The following LSAMP variants were observed in gnomAD, a reference collection of about 807,000 sequenced individuals.
LSAMP encodes the protein limbic system-associated membrane protein.
LSAMP carries 7 observed loss-of-function variants against 38.6 expected under a neutral mutation model. The ratio of observed to expected loss-of-function variants is 0.18; its 90% CI spans 0.10 to 0.34. The LOEUF (loss-of-function observed/expected upper bound fraction) is 0.34. LSAMP is among the 10% of genes least tolerant of loss of function. The probability of loss-of-function intolerance (pLI) is 1.00; values close to 1 mark genes in which losing one functional copy is unlikely to be tolerated. For missense variants in LSAMP, 313 were observed against 420.0 expected (o/e 0.75, Z 2.23); for synonymous variants, 154 against 166.8 (o/e 0.92, Z 0.59).
At chr3:115,969,007 C>A (rs1938921024) in intron 3 of LSAMP, among the ~76,000 whole-genome samples, 1 of 152,168 alleles carries the variant, frequency 6.6e-6, no homozygotes, top group Non-Finnish European at 1.5e-5. Context: ...GACCTACAAT[C>A]ACTGAGCTCA....
In LSAMP at chr3:115,813,341, T is replaced by C. The variant is rs565544942; in HGVS notation, c.920-2927A>G. Among the ~76,000 whole-genome samples, 44 of 152,256 alleles carry C rather than the reference T, an allele frequency of 2.9e-4. 1 individual carries two copies. The South Asian group carries it at 7.3e-3, about 25-fold the overall frequency. ...GCCCATAGTATTCTCTATAGTAACATGCTTACAGGTTTTTAGCCTGGGAAT... is the reference window on the plus strand; with the variant it reads ...GCCCATAGTATTCTCTATAGTAACACGCTTACAGGTTTTTAGCCTGGGAAT... On this transcript the variant is annotated intron_variant, in intron 6 of 6. Transcript: ENST00000490035.
chr3:115,945,731 T>C (rs1938075652), intron 3 of LSAMP, among the ~76,000 whole-genome samples: 1 of 152,048 alleles, frequency 6.6e-6, no homozygotes, highest in Non-Finnish European at 1.5e-5. Context: ...GAAAAAAAAA[T>C]TGTTTAACAG....
intron 1 of LSAMP, among the ~76,000 whole-genome samples, chr3:116,189,633 C>T (rs2199349): frequency 0.12 from 18,168 of 152,074 alleles, 1,848 homozygotes; most frequent in African/African-American, 0.28. Context: ...GTAGAAGAAA[C>T]GATTAGAGAA....
chr3:116,187,840 C>A (rs914497737), intron 1 of LSAMP, among the ~76,000 whole-genome samples: 6 of 151,990 alleles, frequency 3.9e-5, no homozygotes, highest in Non-Finnish European at 8.8e-5. Flanking sequence ...AGGTTTGTTA[C>A]ATAGGCAAAC....
chr3:116,068,625 C>T (rs1448940296), intron 2 of LSAMP, among the ~76,000 whole-genome samples: 3 of 152,060 alleles, frequency 2.0e-5, no homozygotes, highest in Non-Finnish European at 4.4e-5. Context: ...TAGATAATTA[C>T]AAAGATTTGC....
intron 1 of LSAMP, among the ~76,000 whole-genome samples, chr3:116,276,444 T>C (rs1038990138): frequency 4.6e-5 from 7 of 152,210 alleles, no homozygotes; most frequent in African/African-American, 1.4e-4. Context: ...AAACATTGTA[T>C]GTTCTCACTG....
At chr3:115,918,707 G>GT (rs11391475) in intron 3 of LSAMP, among the ~76,000 whole-genome samples, 57,015 of 135,070 alleles carry the variant, frequency 0.42, 12,548 homozygotes, top group Middle Eastern at 0.5. Flanking sequence ...TAAAGAACAG[G>GT]TTTTTTTTTT....
chr3:116,386,745 T>C (rs2048631195), intron 1 of LSAMP, among the ~76,000 whole-genome samples: 1 of 152,100 alleles, frequency 6.6e-6, no homozygotes, highest in African/African-American at 2.4e-5. Context: ...AATGCTGGGG[T>C]TACAGGTGTG....
intron 1 of LSAMP, among the ~76,000 whole-genome samples, chr3:116,133,256 TTTTTTG>T (rs1559755075): frequency 6.6e-6 from 1 of 151,976 alleles, no homozygotes; most frequent in South Asian, 2.1e-4. Context: ...TTTTCCTTTT[TTTTTTG>T]TTGTTGTTGT....
At chr3:116,008,058 T>A (rs574269058) in intron 3 of LSAMP, among the ~76,000 whole-genome samples, 1 of 152,302 alleles carries the variant, frequency 6.6e-6, no homozygotes, top group South Asian at 2.1e-4. Context: ...AGTCTTGAAG[T>A]TAGTTCTTTC....
intron 3 of LSAMP, among the ~76,000 whole-genome samples, chr3:115,884,631 T>G (rs1372885445): frequency 6.6e-6 from 1 of 151,946 alleles, no homozygotes; most frequent in Non-Finnish European, 1.5e-5. Context: ...GCACTGGATG[T>G]AAAGATATTG....
At chr3:115,882,985 T>C (rs1398891089) in intron 3 of LSAMP, among the ~76,000 whole-genome samples, 1 of 152,046 alleles carries the variant, frequency 6.6e-6, no homozygotes, top group Non-Finnish European at 1.5e-5. Flanking sequence ...GTAGATACTA[T>C]AGATACTGTA....
intron 3 of LSAMP, among the ~76,000 whole-genome samples, chr3:115,997,529 T>C (rs1939848187): frequency 6.6e-6 from 1 of 151,170 alleles, no homozygotes; most frequent in Non-Finnish European, 1.5e-5. Flanking sequence ...GAAAAGAATG[T>C]GTGTGTATGT....
intron 1 of LSAMP, among the ~76,000 whole-genome samples, chr3:116,290,768 A>AATAATC (rs2047256149): frequency 6.8e-6 from 1 of 146,952 alleles, no homozygotes; most frequent in Admixed American, 6.9e-5. Flanking sequence ...TAATAATAAT[A>AATAATC]ATAATAAAAT....
intron 1 of LSAMP, among the ~76,000 whole-genome samples, chr3:116,408,158 A>G (rs1485894253): frequency 6.6e-6 from 1 of 152,124 alleles, no homozygotes; most frequent in Non-Finnish European, 1.5e-5. Context: ...ATCTTTACAC[A>G]TATCTATGTC....
At chr3:115,956,982 C>A (rs577805643) in intron 3 of LSAMP, among the ~76,000 whole-genome samples, 10 of 152,246 alleles carry the variant, frequency 6.6e-5, no homozygotes, top group African/African-American at 2.4e-4. Flanking sequence ...TTTGTGAGGA[C>A]CCATTTAGTA....
At chr3:116,074,987 C>A (rs1707705034) in intron 2 of LSAMP, among the ~76,000 whole-genome samples, 2 of 151,692 alleles carry the variant, frequency 1.3e-5, no homozygotes, top group South Asian at 4.2e-4. Context: ...CAGACATGTG[C>A]CACCACCTCT....
At chr3:115,933,888 A>G (rs1470975043) in intron 3 of LSAMP, among the ~76,000 whole-genome samples, 1 of 152,228 alleles carries the variant, frequency 6.6e-6, no homozygotes, top group African/African-American at 2.4e-5. Flanking sequence ...TGTTTGGGAT[A>G]GAAGTCAGCA....
intron 1 of LSAMP, among the ~76,000 whole-genome samples, chr3:116,338,476 T>C (rs953620972): frequency 2.0e-5 from 3 of 152,092 alleles, no homozygotes; most frequent in Non-Finnish European, 4.4e-5. Context: ...ACGATCTTGA[T>C]GTGGAGATGA....
Sources: allele counts gnomAD v4.1 joint callset (sites outside exome capture counted in the v4.1 genomes callset), GRCh38; gene constraint gnomAD v4.1.1; transcripts MANE v1.5; gene names NCBI Gene and HGNC (gene_info 2026-07-23, HGNC 2026-07-21).